SMOC1: variants seen among roughly 807,000 people sequenced by gnomAD.
SMOC1 encodes SPARC related modular calcium binding 1.
In SMOC1, 22 loss-of-function variants were observed where a neutral mutation model predicts 56.3. The observed-to-expected ratio is 0.39, with a 90% CI of 0.28 to 0.56. The LOEUF (loss-of-function observed/expected upper bound fraction) is 0.56, where lower values mean the gene tolerates loss of function less well. Ranked by LOEUF, SMOC1 falls within the 20% of genes least tolerant of loss-of-function variation. SMOC1 has a pLI of 0.61. For missense variants in SMOC1, 509 were observed against 565.4 expected (o/e 0.90, Z 1.01); for synonymous variants, 193 against 215.0 (o/e 0.90, Z 0.89).
intron 1 of SMOC1, among the ~76,000 whole-genome samples, chr14:69,882,568 G>A (rs904949534): frequency 6.6e-6 from 1 of 152,168 alleles, no homozygotes; most frequent in East Asian, 1.9e-4. Context: ...TGGCTAGCTG[G>A]GACGTTGGTC....
chr14:69,961,442 A>G (rs188493087), intron 3 of SMOC1, among the ~76,000 whole-genome samples: 94 of 151,602 alleles, frequency 6.2e-4, no homozygotes, highest in African/African-American at 2.2e-3. Flanking sequence ...GTGCAGTGGC[A>G]TGATCTGGAC....
At chr14:69,951,991 C>G in intron 1 of SMOC1, 147 bp from the exon 2 acceptor site, 1 of 842,416 alleles carries the variant, frequency 1.2e-6, no homozygotes, top group Non-Finnish European at 1.9e-6. Flanking sequence ...GACTTTGTGG[C>G]TGCTCCGTTC....
intron 3 of SMOC1, among the ~76,000 whole-genome samples, chr14:69,966,686 T>TG (rs1883589757): frequency 6.6e-6 from 1 of 152,192 alleles, no homozygotes; most frequent in South Asian, 2.1e-4. Context: ...ATTCTCACAA[T>TG]GAAAAAATCC....
intron 1 of SMOC1, among the ~76,000 whole-genome samples, chr14:69,926,678 T>G (rs986110374): frequency 5.9e-5 from 9 of 152,168 alleles, no homozygotes; most frequent in Non-Finnish European, 1.3e-4. Context: ...GTTCCTTCCC[T>G]CACACTCTCT....
At chr14:69,993,514 G>A (rs899775297) in intron 6 of SMOC1, among the ~76,000 whole-genome samples, 5 of 152,158 alleles carry the variant, frequency 3.3e-5, no homozygotes, top group Non-Finnish European at 5.9e-5. Flanking sequence ...CATGAGACTG[G>A]GCAGAGTGAC....
chr14:70,012,014 A>G (rs1885358250), intron 9 of SMOC1, among the ~76,000 whole-genome samples: 1 of 152,226 alleles, frequency 6.6e-6, no homozygotes, highest in Non-Finnish European at 1.5e-5. Flanking sequence ...CAAGACACAT[A>G]GGCAGGGCCC....
intron 7 of SMOC1, among the ~76,000 whole-genome samples, chr14:69,998,883 C>T (rs895699513): frequency 1.3e-5 from 2 of 152,122 alleles, no homozygotes; most frequent in African/African-American, 4.8e-5. Flanking sequence ...CTTCCATGAT[C>T]TGATCAAGGG....
chr14:69,924,298 G>C (rs188650721), intron 1 of SMOC1, among the ~76,000 whole-genome samples: 4 of 152,306 alleles, frequency 2.6e-5, no homozygotes, highest in Admixed American at 6.5e-5. Flanking sequence ...TGTCTGCACT[G>C]CTGTCTCTCC....
intron 5 of SMOC1, among the ~76,000 whole-genome samples, chr14:69,991,146 T>C (rs1272860275): frequency 6.6e-6 from 1 of 152,122 alleles, no homozygotes; most frequent in Non-Finnish European, 1.5e-5. Context: ...TCTGCATAAA[T>C]AGTTAATGCT....
At chr14:69,892,758 C>T (rs1244730757) in intron 1 of SMOC1, among the ~76,000 whole-genome samples, 1 of 152,174 alleles carries the variant, frequency 6.6e-6, no homozygotes, top group Non-Finnish European at 1.5e-5. Context: ...TGTACATTTT[C>T]ATATATATCT....
chr14:69,953,780 G>T (rs564847275), intron 3 of SMOC1, among the ~76,000 whole-genome samples: 14 of 152,174 alleles, frequency 9.2e-5, no homozygotes, highest in Non-Finnish European at 1.9e-4. Flanking sequence ...GGCATTGCTT[G>T]GTCCCCATCC....
chr14:69,903,391 C>T (rs905008172), intron 1 of SMOC1, among the ~76,000 whole-genome samples: 1 of 152,190 alleles, frequency 6.6e-6, no homozygotes, highest in Non-Finnish European at 1.5e-5. Context: ...GCCGCCACCC[C>T]GTCTGGGAGG....
chr14:70,015,054 C>G (rs1885459345), intron 10 of SMOC1, among the ~76,000 whole-genome samples: 1 of 152,184 alleles, frequency 6.6e-6, no homozygotes, highest in Non-Finnish European at 1.5e-5. Flanking sequence ...GATATGGAAA[C>G]AACCTCAATG....
chr14:70,020,248 A>G (rs928854810), intron 10 of SMOC1, among the ~76,000 whole-genome samples: 6 of 151,932 alleles, frequency 3.9e-5, no homozygotes, highest in African/African-American at 7.3e-5. Flanking sequence ...CCATTTCTCT[A>G]GAGAGAGAGC....
chr14:69,973,224 C>G (rs1213040903), intron 3 of SMOC1, among the ~76,000 whole-genome samples: 2 of 152,246 alleles, frequency 1.3e-5, no homozygotes, highest in Non-Finnish European at 2.9e-5. Context: ...TAGAGGAGAT[C>G]TGGCCCTGGA....
intron 1 of SMOC1, among the ~76,000 whole-genome samples, chr14:69,920,986 G>A (rs1263996670): frequency 1.3e-5 from 2 of 152,208 alleles, no homozygotes; most frequent in Admixed American, 6.5e-5. Flanking sequence ...TTCTTAGGGT[G>A]CAAAAACTGC....
At chr14:69,881,117 G>A (rs1279641206) in intron 1 of SMOC1, among the ~76,000 whole-genome samples, 4 of 152,204 alleles carry the variant, frequency 2.6e-5, no homozygotes, top group Admixed American at 1.3e-4. Flanking sequence ...ATAAATCCTC[G>A]ACAGCAGGCA....
At chr14:69,899,428 T>TC (rs1282221560) in intron 1 of SMOC1, among the ~76,000 whole-genome samples, 2 of 152,168 alleles carry the variant, frequency 1.3e-5, no homozygotes, top group Non-Finnish European at 2.9e-5. Context: ...TGTGGCACCT[T>TC]CCCCCTCTGG....
chr14:69,890,025 A>C (rs1333884389), intron 1 of SMOC1, among the ~76,000 whole-genome samples: 2 of 152,216 alleles, frequency 1.3e-5, no homozygotes, highest in Non-Finnish European at 2.9e-5. Flanking sequence ...CCTGTAACAT[A>C]GCATTATTAG....
Sources: allele counts gnomAD v4.1 joint callset (sites outside exome capture counted in the v4.1 genomes callset), GRCh38; gene constraint gnomAD v4.1.1; transcripts MANE v1.5; gene names NCBI Gene and HGNC (gene_info 2026-07-23, HGNC 2026-07-21).